The following RFTN1 variants were observed in gnomAD, a reference collection of about 807,000 sequenced individuals.
RFTN1 encodes the protein raftlin.
RFTN1 carries 26 observed loss-of-function variants against 46.5 expected under a neutral mutation model. That is an observed-to-expected ratio of 0.56 (90% CI 0.41 to 0.78). The LOEUF (loss-of-function observed/expected upper bound fraction) is 0.78, where lower values mean the gene tolerates loss of function less well. RFTN1 is among the 30% of genes least tolerant of loss of function. RFTN1 has a pLI of 0.00. For missense variants in RFTN1, 693 were observed against 718.7 expected (o/e 0.96, Z 0.41); for synonymous variants, 261 against 284.2 (o/e 0.92, Z 0.82).
rs1323264002 is a variant in RFTN1, at chr3:16,352,670, G to A, written c.1146+5262C>T. On this transcript the variant is annotated intron_variant, in intron 7 of 9. Coordinates refer to ENST00000334133, the MANE Select transcript of RFTN1 (RefSeq NM_015150.2). This position sits in a 1 kb window ranked among gnomAD's most constrained non-coding sequence, Gnocchi z 4.6. The stretch of plus-strand genomic sequence containing the variant: ...ATCTGTCTCACTGATGATACCAGGT[G>A]ACTGACACAGAAAGCAGTATGTAGT... Among the ~76,000 whole-genome samples, 2 of 152,184 alleles carry A rather than the reference G, an allele frequency of 1.3e-5. No individual in the cohort carries two copies. Among genetic ancestry groups the A allele is most frequent in the Non-Finnish European group, 2.9e-5 (2 of 68,028 alleles).
Position 16,381,760 on chromosome 3 carries a change from G to A in RFTN1, c.442-3658C>T, listed in dbSNP as rs1307804491. ...GAGGAAATTTCTAGAAATATTTCTG[G>A]AACATGACATGAGAAACCAAGAGGA... On this transcript the variant is annotated intron_variant, in intron 4 of 9. Coordinates refer to ENST00000334133, the MANE Select transcript of RFTN1 (RefSeq NM_015150.2). The surrounding 1 kb of genome is among the most constrained non-coding windows in gnomAD (Gnocchi z 4.2). Among the ~76,000 whole-genome samples, 2 of 152,108 alleles carry A rather than the reference G, an allele frequency of 1.3e-5. No homozygotes were observed. Among genetic ancestry groups the A allele is most frequent in the African/African-American group, 4.8e-5 (2 of 41,414 alleles).
intron 1 of RFTN1, among the ~76,000 whole-genome samples, chr3:16,510,858 A>G (rs1315791744): frequency 6.6e-6 from 1 of 152,202 alleles, no homozygotes; most frequent in African/African-American, 2.4e-5. Flanking sequence ...ATAACCAAAG[A>G]AAGAAAGAAA....
rs749366416 is a variant in RFTN1 at position 16,370,309 on chromosome 3, A to T, written c.827-30T>A. On this transcript the variant is annotated intron_variant, in intron 5 of 9. Transcript: ENST00000334133. The surrounding 1 kb of genome is among the most constrained non-coding windows in gnomAD (Gnocchi z 5.5). Reference sequence around the variant, plus strand: ...TGGGATTTGTAAAGGGAGTGGAGAGAGAAGAGGTCAACTGATGATAAAAAT... The same window carrying T: ...TGGGATTTGTAAAGGGAGTGGAGAGTGAAGAGGTCAACTGATGATAAAAAT... The T allele has an allele frequency of 6.2e-7, 1 of 1,602,142 alleles. No homozygotes were observed. The highest frequency in any genetic ancestry group is 1.7e-5 in the Admixed American group (1 of 59,992).
Position 16,374,024 on chromosome 3 carries a change from G to A in RFTN1, c.826+3694C>T, listed in dbSNP as rs763292457. On this transcript the variant is annotated intron_variant, in intron 5 of 9. Coordinates refer to ENST00000334133, the MANE Select transcript of RFTN1 (RefSeq NM_015150.2). The surrounding 1 kb of genome is among the most constrained non-coding windows in gnomAD (Gnocchi z 5.4). ...AGGGCAGCAGGAAAGGCAAAGTGCAGGGACCGCTGCTGCGTGCACAACAAT... is the reference window on the plus strand; with the variant it reads ...AGGGCAGCAGGAAAGGCAAAGTGCAAGGACCGCTGCTGCGTGCACAACAAT... Among the ~76,000 whole-genome samples the A allele has an allele frequency of 4.6e-5, 7 of 152,210 alleles. No individual in the cohort carries two copies. Among genetic ancestry groups the A allele is most frequent in the Admixed American group, 4.6e-4 (7 of 15,290 alleles).
chr3:16,393,973 G>A (rs2074412211), intron 4 of RFTN1, among the ~76,000 whole-genome samples: 1 of 151,876 alleles, frequency 6.6e-6, no homozygotes, highest in Admixed American at 6.6e-5. Context: ...TTTTTTTTAA[G>A]GAGGAAAATA....
rs2070767364 is a variant in RFTN1, at chr3:16,335,613, T to A, written c.1147-8737A>T. ...ACACATGGTGGGGAGCAACACACAC[T>A]GGGACCTGTTGGAGGTGTGGGAGGA... On this transcript the variant is annotated intron_variant, in intron 7 of 9. Transcript: ENST00000334133. The surrounding 1 kb of genome is among the most constrained non-coding windows in gnomAD (Gnocchi z 4.7). 6.6e-6 allele frequency among the ~76,000 whole-genome samples: 1 copy of A among 151,952 alleles called. No homozygotes were observed. The highest frequency in any genetic ancestry group is 2.4e-5 in the African/African-American group (1 of 41,348).
At chr3:16,386,826 C>G (rs560363130) in intron 4 of RFTN1, among the ~76,000 whole-genome samples, 1 of 152,152 alleles carries the variant, frequency 6.6e-6, no homozygotes, top group African/African-American at 2.4e-5. Context: ...AACTGCAGAG[C>G]TCATGGGAAA....
At chr3:16,401,514 C>T (rs1218349969) in intron 4 of RFTN1, among the ~76,000 whole-genome samples, 3 of 152,220 alleles carry the variant, frequency 2.0e-5, no homozygotes, top group East Asian at 3.9e-4. Context: ...CCCACTTGAC[C>T]TCCTCCCAGC....
rs1003194263 is a variant in RFTN1 at position 16,346,457 on chromosome 3, A to G, written c.1146+11475T>C. The G allele has an allele frequency of 9.9e-5, 15 of 152,208 alleles. 2 individuals are homozygous for G. Among genetic ancestry groups the G allele is most frequent in the East Asian group, 3.9e-4 (2 of 5,188 alleles). The allele number at this position is 152,208 out of a possible 1,614,324, so 9.4% of individuals were successfully genotyped here. ...AAATACTTCCTTTTGTCATCTCATT[A>G]TCCAAACCGTCAACAAGTCCAGTCT... On this transcript the variant is annotated intron_variant, in intron 7 of 9. Coordinates refer to ENST00000334133, the MANE Select transcript of RFTN1 (RefSeq NM_015150.2). This position sits in a 1 kb window ranked among gnomAD's most constrained non-coding sequence, Gnocchi z 4.4.
rs558057127 is a variant in RFTN1, at chr3:16,385,148, T to C, written c.442-7046A>G. ...GCATGCCCTAGGTGTCAAGAACAGGTACAAAAATGCCATTCTGGGTTGCAG... is the reference window on the plus strand; with the variant it reads ...GCATGCCCTAGGTGTCAAGAACAGGCACAAAAATGCCATTCTGGGTTGCAG... On this transcript the variant is annotated intron_variant, in intron 4 of 9. Coordinates refer to ENST00000334133, the MANE Select transcript of RFTN1 (RefSeq NM_015150.2). This position sits in a 1 kb window ranked among gnomAD's most constrained non-coding sequence, Gnocchi z 5.0. Among the ~76,000 whole-genome samples the C allele has an allele frequency of 2.6e-5, 4 of 152,208 alleles. No homozygotes were observed. In the East Asian group the frequency reaches 7.7e-4, roughly 29 times the overall value.
rs1014954887 is a variant in RFTN1 at position 16,380,453 on chromosome 3, C to G, written c.442-2351G>C. Among the ~76,000 whole-genome samples the G allele has an allele frequency of 1.4e-4, 21 of 152,330 alleles. No individual in the cohort carries two copies. The highest frequency in any genetic ancestry group is 4.3e-4 in the African/African-American group (18 of 41,578). ...ATTATCCTAGCCCTCCCCTTCCTCACTGGGACTGGAGGAATTGGAGAGGCT... is the reference window on the plus strand; with the variant it reads ...ATTATCCTAGCCCTCCCCTTCCTCAGTGGGACTGGAGGAATTGGAGAGGCT... On this transcript the variant is annotated intron_variant, in intron 4 of 9. Transcript: ENST00000334133. This position sits in a 1 kb window ranked among gnomAD's most constrained non-coding sequence, Gnocchi z 4.8.
chr3:16,366,744 G>A (rs79691057), intron 6 of RFTN1, among the ~76,000 whole-genome samples: 6,348 of 125,070 alleles, frequency 0.051, no homozygotes, highest in South Asian at 0.16. Flanking sequence ...CTGAGGTATT[G>A]TGAGGATGAA....
chr3:16,350,809 TA>T (rs1377307144), intron 7 of RFTN1, among the ~76,000 whole-genome samples: 1 of 152,200 alleles, frequency 6.6e-6, no homozygotes, highest in Non-Finnish European at 1.5e-5. Flanking sequence ...TCTTTGGCAC[TA>T]AAGACTATGA....
chr3:16,502,773 T>C (rs1428617708), intron 1 of RFTN1, among the ~76,000 whole-genome samples: 1 of 152,236 alleles, frequency 6.6e-6, no homozygotes, highest in Non-Finnish European at 1.5e-5. Flanking sequence ...ACATCCTCAC[T>C]GCAACCTCAT....
chr3:16,390,985 T>C (rs912041042), intron 4 of RFTN1, among the ~76,000 whole-genome samples: 1 of 152,226 alleles, frequency 6.6e-6, no homozygotes, highest in African/African-American at 2.4e-5. Flanking sequence ...GACAACCTTT[T>C]TCTCTCTGAA....
chr3:16,438,585 CAAAAAAAAAAAAAAAAAAA>C (rs61019061), intron 2 of RFTN1, among the ~76,000 whole-genome samples: 515 of 30,578 alleles, frequency 0.017, 26 homozygotes, highest in African/African-American at 0.058. Context: ...AACTCTGTCT[CAAAAAAAAAAAAAAAAAAA>C]AAAAAAAAAA....
intron 3 of RFTN1, among the ~76,000 whole-genome samples, chr3:16,430,639 T>G (rs1396469538): frequency 6.6e-6 from 1 of 152,224 alleles, no homozygotes. Flanking sequence ...TGATAAATTA[T>G]CAAACTTTTG....
At chr3:16,472,350 A>G (rs1334183913) in intron 2 of RFTN1, among the ~76,000 whole-genome samples, 2 of 152,218 alleles carry the variant, frequency 1.3e-5, no homozygotes, top group East Asian at 3.8e-4. Context: ...ATAAACTACA[A>G]GTATTAAACA....
In RFTN1 at chr3:16,338,903, C is replaced by T. The variant is rs746491867; in HGVS notation, c.1147-12027G>A. Among the ~76,000 whole-genome samples the T allele has an allele frequency of 3.3e-5, 5 of 152,318 alleles. No individual in the cohort carries two copies. Among genetic ancestry groups the T allele is most frequent in the South Asian group, 2.1e-4 (1 of 4,828 alleles). On this transcript the variant is annotated intron_variant, in intron 7 of 9. Transcript: ENST00000334133. This position sits in a 1 kb window ranked among gnomAD's most constrained non-coding sequence, Gnocchi z 5.3. ...GAATTCTAGAACCCAAAACTGTCAA[C>T]GTTGTCCCCTCCACCTGTCAGCAGT... is the stretch of plus-strand genomic sequence containing the variant.
Sources: allele counts gnomAD v4.1 joint callset (sites outside exome capture counted in the v4.1 genomes callset), GRCh38; gene constraint gnomAD v4.1.1; non-coding constraint Gnocchi (gnomAD v3.1); transcripts MANE v1.5; gene names NCBI Gene and HGNC (gene_info 2026-07-23, HGNC 2026-07-21).